The following MPPED2 variants were observed in gnomAD, a reference collection of about 807,000 sequenced individuals.
The protein encoded by MPPED2 is metallophosphoesterase domain containing 2.
In MPPED2, 5 loss-of-function variants were observed where a neutral mutation model predicts 33.0. The observed-to-expected ratio is 0.15, with a 90% CI of 0.08 to 0.32. The LOEUF is 0.32. Ranked by LOEUF, MPPED2 falls within the 10% of genes least tolerant of loss-of-function variation. MPPED2 has a pLI of 1.00. For synonymous variants in MPPED2, 136 were observed against 141.9 expected (o/e 0.96, Z 0.29); for missense variants, 275 against 372.1 (o/e 0.74, Z 2.15).
At chr11:30,390,471 T>A (rs986949547) in intron 6 of MPPED2, among the ~76,000 whole-genome samples, 9 of 152,232 alleles carry the variant, frequency 5.9e-5, no homozygotes, top group African/African-American at 1.9e-4. Flanking sequence ...AAAAAAGCCC[T>A]GAAACCATCC....
In MPPED2 at chr11:30,411,504, T is replaced by C; in HGVS notation, c.849A>G (p.Pro283=). The part of the protein sequence containing the change: ...CTVSFQPTNP[P]IIFDLPNPQG... ...GTGGGTTTGGAAGGTCAAATATAATTGGAGGGTTGGTCGGTTGAAAGCTGA... is the reference window on the plus strand; with the variant it reads ...GTGGGTTTGGAAGGTCAAATATAATCGGAGGGTTGGTCGGTTGAAAGCTGA... The change falls in exon 7 of 7, where the codon CCA becomes CCG. Residue 283 remains proline, a synonymous_variant. Coordinates refer to ENST00000358117, the MANE Select transcript of MPPED2 (RefSeq NM_001584.3). 1 of 1,613,904 alleles carries C rather than the reference T, an allele frequency of 6.2e-7. No individual in the cohort carries two copies. Among genetic ancestry groups the C allele is most frequent in the Non-Finnish European group, 8.5e-7 (1 of 1,179,848 alleles).
chr11:30,502,363 C>T (rs755834773), intron 3 of MPPED2, among the ~76,000 whole-genome samples: 2 of 152,124 alleles, frequency 1.3e-5, no homozygotes, highest in Non-Finnish European at 2.9e-5. Context: ...TTTGTACCCA[C>T]GAAACAGAAC....
intron 4 of MPPED2, among the ~76,000 whole-genome samples, chr11:30,465,014 G>A (rs898184671): frequency 6.6e-6 from 1 of 152,092 alleles, no homozygotes; most frequent in Non-Finnish European, 1.5e-5. Flanking sequence ...TAAGCAATGT[G>A]GTCTGAAAAT....
intron 4 of MPPED2, among the ~76,000 whole-genome samples, chr11:30,445,818 T>G (rs183638130): frequency 6.1e-4 from 93 of 152,382 alleles, no homozygotes; most frequent in Non-Finnish European, 1.3e-3. Flanking sequence ...AATATTCCAT[T>G]TTAGGTATCT....
intron 3 of MPPED2, among the ~76,000 whole-genome samples, chr11:30,521,482 T>G (rs473481): frequency 0.14 from 21,185 of 152,152 alleles, 2,575 homozygotes; most frequent in African/African-American, 0.33. Flanking sequence ...AAGTGTCCAG[T>G]ACCACAAGCC....
intron 2 of MPPED2, among the ~76,000 whole-genome samples, chr11:30,565,294 G>A (rs1956399526): frequency 6.6e-6 from 1 of 152,078 alleles, no homozygotes; most frequent in African/African-American, 2.4e-5. Flanking sequence ...TTTTCTACTT[G>A]GCATCCGGTG....
At chr11:30,428,938 C>A (rs1321849664) in intron 4 of MPPED2, 4 of 152,156 alleles carry the variant, frequency 2.6e-5, no homozygotes, top group Non-Finnish European at 5.9e-5. Flanking sequence ...CTTCATATGA[C>A]CTCCAAGTTT....
At chr11:30,559,337 G>C (rs1160896200) in intron 2 of MPPED2, among the ~76,000 whole-genome samples, 1 of 152,098 alleles carries the variant, frequency 6.6e-6, no homozygotes, top group Non-Finnish European at 1.5e-5. Context: ...AAAATGTATT[G>C]TAAATTGCAA....
chr11:30,586,906 T>C (rs294381), upstream of MPPED2: 117,983 of 152,084 alleles, frequency 0.78, 46,088 homozygotes, highest in African/African-American at 0.85. This position sits in a 1 kb window ranked among gnomAD's most constrained non-coding sequence, Gnocchi z 4.8. Context: ...TGCTCCTTTT[T>C]CCCCAAGCCT....
chr11:30,549,011 C>T (rs1295960428), intron 2 of MPPED2, among the ~76,000 whole-genome samples: 3 of 152,154 alleles, frequency 2.0e-5, no homozygotes, highest in African/African-American at 4.8e-5. Flanking sequence ...AGTTCAAATA[C>T]CCTTCAGGAA....
intron 1 of MPPED2, among the ~76,000 whole-genome samples, chr11:30,580,924 G>A (rs1957137158): frequency 1.3e-5 from 2 of 152,166 alleles, no homozygotes; most frequent in Admixed American, 1.3e-4. Flanking sequence ...GTTTAAAGCA[G>A]CTATATAACA....
intron 3 of MPPED2, among the ~76,000 whole-genome samples, chr11:30,511,476 T>A (rs1953188658): frequency 6.6e-6 from 1 of 152,116 alleles, no homozygotes; most frequent in Non-Finnish European, 1.5e-5. Context: ...TCCAGGAAGG[T>A]GTCTTTGAGG....
intron 2 of MPPED2, among the ~76,000 whole-genome samples, chr11:30,549,545 G>GGAA (rs1382795717): frequency 6.6e-6 from 1 of 152,146 alleles, no homozygotes; most frequent in East Asian, 1.9e-4. Context: ...GAGACTTGCA[G>GGAA]GTCTCCTATA....
chr11:30,523,570 C>T (rs1444118903), intron 3 of MPPED2, among the ~76,000 whole-genome samples: 1 of 151,528 alleles, frequency 6.6e-6, no homozygotes, highest in African/African-American at 2.4e-5. Flanking sequence ...TCTGTGACAA[C>T]TTCCCCTTGT....
chr11:30,412,713 TCAG>T (rs1948164450), intron 6 of MPPED2, among the ~76,000 whole-genome samples: 1 of 152,206 alleles, frequency 6.6e-6, no homozygotes, highest in Admixed American at 6.5e-5. Context: ...CCTGCCCTCT[TCAG>T]CTGTCTTAAG....
At chr11:30,406,440 A>T (rs543828221), downstream of MPPED2, among the ~76,000 whole-genome samples, 16 of 152,292 alleles carry the variant, frequency 1.1e-4, no homozygotes, top group Non-Finnish European at 1.2e-4. Flanking sequence ...CCAGAGGCTG[A>T]CTTTACTGGG....
intron 4 of MPPED2, among the ~76,000 whole-genome samples, chr11:30,441,764 T>C (rs1949583366): frequency 6.6e-6 from 1 of 152,136 alleles, no homozygotes; most frequent in Non-Finnish European, 1.5e-5. Context: ...GGTTTCCCCA[T>C]TCCTGATTCC....
intron 2 of MPPED2, among the ~76,000 whole-genome samples, chr11:30,553,737 C>G (rs1186300607): frequency 6.6e-6 from 1 of 152,098 alleles, no homozygotes; most frequent in East Asian, 1.9e-4. Context: ...AAGCCACATG[C>G]GGGAGGGATA....
chr11:30,581,015 A>G (rs1018242632), intron 1 of MPPED2, among the ~76,000 whole-genome samples: 4 of 152,236 alleles, frequency 2.6e-5, no homozygotes, highest in African/African-American at 9.6e-5. Flanking sequence ...ATAACCACAC[A>G]TTACACATAT....
Sources: gnomAD v4.1 joint callset for allele counts (sites outside exome capture counted in the v4.1 genomes callset) on GRCh38, gnomAD v4.1.1 for gene constraint, Gnocchi (gnomAD v3.1) non-coding constraint, MANE v1.5 for transcripts, NCBI Gene and HGNC (gene_info 2026-07-23, HGNC 2026-07-21) for gene names.